Variants in EXOC3L4 observed in about 807,000 individuals in gnomAD.
EXOC3L4 encodes exocyst complex component 3 like 4.
EXOC3L4 carries 62 observed loss-of-function variants against 69.7 expected under a neutral mutation model. That is an observed-to-expected ratio of 0.89 (90% CI 0.72 to 1.10). The LOEUF (loss-of-function observed/expected upper bound fraction) is 1.10, where lower values mean the gene tolerates loss of function less well. Ranked by LOEUF, EXOC3L4 falls within the 50% of genes least tolerant of loss-of-function variation. EXOC3L4 has a pLI of 0.00. For synonymous variants in EXOC3L4, 502 were observed against 464.2 expected (o/e 1.08, Z -1.05); for missense variants, 1,087 against 1,034.8 (o/e 1.05, Z -0.69).
chr14:103,105,104 C>T (rs1223348728), intron 7 of EXOC3L4, 32 bp downstream of exon 7: 2 of 1,577,822 alleles, frequency 1.3e-6, no homozygotes, highest in African/African-American at 1.4e-5. Flanking sequence ...GCGGGCGCAG[C>T]GTGGCCAGCA....
intron 1 of EXOC3L4, among the ~76,000 whole-genome samples, chr14:103,095,198 G>C (rs979567692): frequency 6.6e-6 from 1 of 152,214 alleles, no homozygotes. Flanking sequence ...GCCCAGAAAA[G>C]TGTGTATATG....
chr14:103,104,524 G>A, intron 5 of EXOC3L4, 135 bp downstream of exon 5: 2 of 1,365,458 alleles, frequency 1.5e-6, no homozygotes, highest in Non-Finnish European at 1.9e-6. Flanking sequence ...CCCACGCGGG[G>A]GGAAATCGGG....
intron 7 of EXOC3L4, among the ~76,000 whole-genome samples, chr14:103,105,764 C>T (rs1890510914): frequency 6.6e-6 from 1 of 152,212 alleles, no homozygotes; most frequent in Admixed American, 6.5e-5. Context: ...AGCTCCAGGC[C>T]AGGCCTCAGC....
Position 103,105,065 on chromosome 14 carries a change from G to T in EXOC3L4, c.1459G>T (p.Glu487Ter), listed in dbSNP as rs1053391683. 1 of 1,610,074 alleles carries T rather than the reference G, an allele frequency of 6.2e-7. No homozygotes were observed. Among genetic ancestry groups the T allele is most frequent in the East Asian group, 2.2e-5 (1 of 44,740 alleles). The change falls in exon 7 of 12, where the codon GAG becomes TAG. Residue 487 changes from glutamate to a stop codon, truncating the protein, a stop_gained. Transcript: ENST00000688303. LOFTEE classifies it high-confidence loss of function. ...HLGAYINACEELRTSLLSRFP... is the reference protein window; with the variant it reads ...HLGAYINACE Reference sequence around the variant, plus strand: ...GGGCGCCTACATCAACGCCTGCGAGGAGCTCAGGTAGGGCTCGCCCGCTCC... The same window carrying T: ...GGGCGCCTACATCAACGCCTGCGAGTAGCTCAGGTAGGGCTCGCCCGCTCC...
intron 1 of EXOC3L4, among the ~76,000 whole-genome samples, chr14:103,096,530 C>T (rs1363787327): frequency 6.6e-6 from 1 of 151,908 alleles, no homozygotes; most frequent in African/African-American, 2.4e-5. Context: ...TTGTCCCTCC[C>T]ACTGTGCTCT....
chr14:103,106,914 C>T lies in EXOC3L4; in HGVS notation c.1581+15C>T. The T allele has an allele frequency of 6.5e-7, 1 of 1,534,648 alleles. No homozygotes were observed. The highest frequency in any genetic ancestry group is 8.8e-7 in the Non-Finnish European group (1 of 1,133,830). On this transcript the variant is annotated intron_variant, in intron 8 of 11. Transcript: ENST00000688303. ...GTGAGTTGCAGGTGACTGTGATAGGCCCTCTCTCCCTACTTCCCATGCCCA... is the reference window on the plus strand; with the variant it reads ...GTGAGTTGCAGGTGACTGTGATAGGTCCTCTCTCCCTACTTCCCATGCCCA...
At chr14:103,098,360 G>A (rs1481399219) in intron 1 of EXOC3L4, among the ~76,000 whole-genome samples, 2 of 151,640 alleles carry the variant, frequency 1.3e-5, no homozygotes, top group African/African-American at 2.4e-5. Flanking sequence ...GGCAGGTCCC[G>A]CCTCTGCTCC....
intron 11 of EXOC3L4, among the ~76,000 whole-genome samples, chr14:103,108,721 A>G (rs536595646): frequency 6.6e-6 from 1 of 152,194 alleles, no homozygotes; most frequent in Admixed American, 6.5e-5. Flanking sequence ...GCCATCCTCC[A>G]TCAGCCCCAC....
chr14:103,104,831 G>T lies in EXOC3L4; in HGVS notation c.1378G>T (p.Val460Leu), dbSNP rs1890443200. Residue 460 changes from valine (V) to leucine (L), a missense_variant, in exon 6 of 12, where the codon GTG (valine) becomes TTG (leucine). By Grantham distance (32) the Val-to-Leu change is conservative (BLOSUM62 1). Coordinates refer to ENST00000688303, the MANE Select transcript of EXOC3L4 (RefSeq NM_001077594.2). Reference sequence around the variant, plus strand: ...CTGCACGCGGGCGCTCGGCCTCTTCGTGCCCAGGTGCGGACGCATCCTCAG... The same window carrying T: ...CTGCACGCGGGCGCTCGGCCTCTTCTTGCCCAGGTGCGGACGCATCCTCAG... The part of the protein sequence containing the change: ...RICTRALGLF[V>L]PRFEKAFLAS... 4.0e-6 allele frequency: 6 copies of T among 1,503,430 alleles called. No homozygotes were observed. The highest frequency in any genetic ancestry group is 5.4e-6 in the Non-Finnish European group (6 of 1,118,828). 93.1% of individuals were successfully genotyped at this position (1,503,430 alleles called of 1,614,324 possible).
intron 3 of EXOC3L4, among the ~76,000 whole-genome samples, chr14:103,103,389 GAAAAA>G (rs1208834623): frequency 6.9e-6 from 1 of 145,628 alleles, no homozygotes; most frequent in Non-Finnish European, 1.5e-5. Flanking sequence ...AGAAAGAAAA[GAAAAA>G]AGAAAAGGGC....
In EXOC3L4 at chr14:103,102,447, C is replaced by A; in HGVS notation, c.724C>A (p.Arg242Ser). The A allele has an allele frequency of 6.7e-7, 1 of 1,500,672 alleles. No individual in the cohort carries two copies. The highest frequency in any genetic ancestry group is 8.8e-7 in the Non-Finnish European group (1 of 1,134,158). 93.0% of individuals were successfully genotyped at this position (1,500,672 alleles called of 1,614,324 possible). A position where few individuals can be genotyped will look rare whatever the true frequency, so the allele number is the denominator to read the frequency against. The change falls in exon 3 of 12, where the codon CGC (arginine) becomes AGC (serine). Residue 242 changes from arginine (R) to serine (S), a missense_variant. By Grantham distance (110) the Arg-to-Ser change is moderately radical. Coordinates refer to ENST00000688303, the MANE Select transcript of EXOC3L4 (RefSeq NM_001077594.2). ...CTTCCTGCGCACGCCGCGCCGCTGG[C>A]GCCAGCACTGGGAGGAGGCGGTGCG... ...GDFLRTPRRW[R>S]QHWEEAVRRS... is the part of the protein sequence containing the mutation.
At position 103,110,475 on chromosome 14, in the gene EXOC3L4, G is replaced by T. The variant is rs370794860; in HGVS notation, c.*252G>T. On this transcript the variant is annotated 3_prime_UTR_variant, in exon 12 of 12. Coordinates refer to ENST00000688303, the MANE Select transcript of EXOC3L4 (RefSeq NM_001077594.2). ...AATGCTGCCTATCGGGCGGGGGGGG[G>T]CCTCCCGCCCGACTGTCCAGCTTCA... 2.4e-5 allele frequency: 14 copies of T among 580,292 alleles called. No homozygotes were observed. The East Asian group carries it at 3.5e-4, about 14-fold the overall frequency. 35.9% of individuals were successfully genotyped at this position (580,292 alleles called of 1,614,324 possible).
chr14:103,107,404 C>T lies in EXOC3L4; in HGVS notation c.1582-20C>T. The T allele has an allele frequency of 6.2e-7, 1 of 1,610,388 alleles. No homozygotes were observed. Among genetic ancestry groups the T allele is most frequent in the Non-Finnish European group, 8.5e-7 (1 of 1,177,612 alleles). ...CGGGCGTAGTGCACATTTGCAGACT[C>T]CCAGCCCCTCTGTCCCCAGCCGCTC... On this transcript the variant is annotated intron_variant, in intron 8 of 11. Transcript: ENST00000688303.
chr14:103,108,098 C>T (rs1890675229), intron 10 of EXOC3L4, among the ~76,000 whole-genome samples: 1 of 152,326 alleles, frequency 6.6e-6, no homozygotes, highest in Admixed American at 6.5e-5. Context: ...GGCACCAGCG[C>T]CCCTGCACAC....
Position 103,107,653 on chromosome 14 carries a change from G to C in EXOC3L4, c.1724G>C (p.Arg575Pro). Residue 575 changes from arginine to proline, a missense_variant, in exon 10 of 12, where the codon CGG becomes CCG. By Grantham distance (103) the Arg-to-Pro change is moderately radical (BLOSUM62 -2). Transcript: ENST00000688303. ...CAGGAGACTCTGCAGGAGGTGCACCGGTTCGTGGTCCGCGAGTACCTGGCG... is the reference window on the plus strand; with the variant it reads ...CAGGAGACTCTGCAGGAGGTGCACCCGTTCGTGGTCCGCGAGTACCTGGCG... The part of the protein sequence containing the change: ...RAQETLQEVH[R>P]FVVREYLARA... 1.3e-6 allele frequency: 2 copies of C among 1,579,980 alleles called. No individual in the cohort carries two copies. The highest frequency in any genetic ancestry group is 1.7e-6 in the Non-Finnish European group (2 of 1,162,132).
rs1014361046 is a variant in EXOC3L4 at position 103,110,318 on chromosome 14, C to G, written c.*95C>G. On this transcript the variant is annotated 3_prime_UTR_variant, in exon 12 of 12. Transcript: ENST00000688303. The stretch of plus-strand genomic sequence containing the variant: ...CAGGGAGTCACTCTGGGCCCTGCCC[C>G]CAACTCTGACACTGCAGTTAGGGAA... The G allele has an allele frequency of 2.2e-6, 3 of 1,375,718 alleles. No individual in the cohort carries two copies. The highest frequency in any genetic ancestry group is 1.3e-5 in the South Asian group (1 of 79,372). The allele number at this position is 1,375,718 out of a possible 1,614,324, so 85.2% of individuals were successfully genotyped here.
At position 103,110,126 on chromosome 14, in the gene EXOC3L4, C is replaced by G; in HGVS notation, c.2072C>G (p.Ala691Gly). The G allele has an allele frequency of 1.3e-6, 2 of 1,555,896 alleles. No homozygotes were observed. Among genetic ancestry groups the G allele is most frequent in the Non-Finnish European group, 1.7e-6 (2 of 1,150,132 alleles). Residue 691 changes from alanine to glycine, a missense_variant, in exon 12 of 12, where the codon GCG (alanine) becomes GGG (glycine). By Grantham distance (60) the Ala-to-Gly change is moderately conservative. Transcript: ENST00000688303. ...CACACTCAAGACCTGCTGAGAGCTGCGGCCGGGGCGGCGGGTGCGGAGGCC... is the reference window on the plus strand; with the variant it reads ...CACACTCAAGACCTGCTGAGAGCTGGGGCCGGGGCGGCGGGTGCGGAGGCC... ...LQHTQDLLRA[A>G]AGAAGAEAPR...
chr14:103,099,295 C>T (rs1330341952), intron 1 of EXOC3L4, among the ~76,000 whole-genome samples: 1 of 152,112 alleles, frequency 6.6e-6, no homozygotes, highest in Admixed American at 6.5e-5. Context: ...CAGCTCCTAA[C>T]GCTGGAAGGG....
At position 103,104,834 on chromosome 14, in the gene EXOC3L4, C is replaced by T; in HGVS notation, c.1381C>T (p.Pro461Ser). 2 of 1,504,320 alleles carry T rather than the reference C, an allele frequency of 1.3e-6. No individual in the cohort carries two copies. The highest frequency in any genetic ancestry group is 2.5e-5 in the South Asian group (2 of 79,398). 93.2% of individuals were successfully genotyped at this position (1,504,320 alleles called of 1,614,324 possible). ...CACGCGGGCGCTCGGCCTCTTCGTG[C>T]CCAGGTGCGGACGCATCCTCAGTAG... Reference protein sequence around the residue: ...ICTRALGLFVPRFEKAFLASE... With the variant: ...ICTRALGLFVSRFEKAFLASE... The change falls in exon 6 of 12, where the codon CCC (proline) becomes TCC (serine). Residue 461 changes from proline (P) to serine (S), a missense_variant. Coordinates refer to ENST00000688303, the MANE Select transcript of EXOC3L4 (RefSeq NM_001077594.2).
Sources: allele counts gnomAD v4.1 joint callset (sites outside exome capture counted in the v4.1 genomes callset), GRCh38; gene constraint gnomAD v4.1.1; transcripts MANE v1.5; gene names NCBI Gene and HGNC (gene_info 2026-07-23, HGNC 2026-07-21).